The following ADAP1 variants were observed in gnomAD, a reference collection of about 807,000 sequenced individuals.
The protein encoded by ADAP1 is ArfGAP with dual PH domains 1.
A neutral mutation model predicts 54.9 loss-of-function variants in ADAP1; 31 were observed. The ratio of observed to expected loss-of-function variants is 0.56; its 90% confidence interval spans 0.42 to 0.76. The LOEUF is 0.76. ADAP1 is among the 30% of genes least tolerant of loss of function. The pLI is 0.00. For synonymous variants in ADAP1, 313 were observed against 202.6 expected, an observed-to-expected ratio of 1.55 and a Z score of -4.63; for missense variants, 535 against 512.4, an observed-to-expected ratio of 1.04 and a Z score of -0.42.
intron 1 of ADAP1, among the ~76,000 whole-genome samples, chr7:950,599 G>A (rs1308999222): frequency 6.6e-6 from 1 of 152,050 alleles, no homozygotes; most frequent in Non-Finnish European, 1.5e-5. Context: ...GCTCATGCCT[G>A]TAATCCCAGC....
intron 1 of ADAP1, among the ~76,000 whole-genome samples, chr7:948,500 C>T (rs1847196822): frequency 2.0e-5 from 3 of 152,228 alleles, no homozygotes; most frequent in East Asian, 1.9e-4. Flanking sequence ...GTCTCTGCCC[C>T]GGTCTTAGCA....
Position 898,422 on chromosome 7 carries a change from C to T in ADAP1, c.*499G>A, listed in dbSNP as rs1844609099. ...GATAATCCACCCAAACACCCCACGGCCCTCATAGCCCCGTGACACACAACA... is the reference window on the plus strand; with the variant it reads ...GATAATCCACCCAAACACCCCACGGTCCTCATAGCCCCGTGACACACAACA... On this transcript the variant is annotated 3_prime_UTR_variant, in exon 11 of 11. Coordinates refer to ENST00000265846, the MANE Select transcript of ADAP1 (RefSeq NM_006869.4). 1 of 203,638 alleles carries T rather than the reference C, an allele frequency of 4.9e-6. No individual in the cohort carries two copies. The highest frequency in any genetic ancestry group is 1.0e-5 in the Non-Finnish European group (1 of 98,690). The allele number at this position is 203,638 out of a possible 1,614,324, so 12.6% of individuals were successfully genotyped here.
rs1005638733 is a variant in ADAP1 at position 928,642 on chromosome 7, A to G, written c.214-1998T>C. Reference sequence around the variant, plus strand: ...ACTGTTAGCTGTCAGGGGAACGCAGATGAAAACCTCAATGAGCTACCACCT... The same window carrying G: ...ACTGTTAGCTGTCAGGGGAACGCAGGTGAAAACCTCAATGAGCTACCACCT... On this transcript the variant is annotated intron_variant, in intron 2 of 10. Coordinates refer to ENST00000265846, the MANE Select transcript of ADAP1 (RefSeq NM_006869.4). Among the ~76,000 whole-genome samples the G allele has an allele frequency of 2.0e-5, 3 of 152,340 alleles. No homozygotes were observed. In the East Asian group the frequency reaches 5.8e-4, roughly 29 times the overall value.
chr7:906,592 A>AG (rs1312713065), intron 4 of ADAP1, among the ~76,000 whole-genome samples: 1 of 27,256 alleles, frequency 3.7e-5, no homozygotes, highest in Admixed American at 4.1e-4. Flanking sequence ...GAAAGGAGAA[A>AG]GGAGAAGGGA....
chr7:952,524 C>G (rs569389627), intron 1 of ADAP1, among the ~76,000 whole-genome samples: 2 of 152,126 alleles, frequency 1.3e-5, no homozygotes, highest in African/African-American at 4.8e-5. Context: ...ATAGAGCCCT[C>G]GAGGATGTGC....
At chr7:909,009 G>GT (rs1235659183) in intron 4 of ADAP1, among the ~76,000 whole-genome samples, 2 of 151,330 alleles carry the variant, frequency 1.3e-5, no homozygotes, top group Non-Finnish European at 2.9e-5. Context: ...CGCCCAGCAG[G>GT]TGACAGCAGT....
intron 1 of ADAP1, among the ~76,000 whole-genome samples, chr7:937,797 C>T (rs569943975): frequency 2.1e-4 from 32 of 150,276 alleles, no homozygotes; most frequent in African/African-American, 6.9e-4. Context: ...GGGTCATGCC[C>T]GGCCTCTGGG....
At position 946,477 on chromosome 7, in the gene ADAP1, T is replaced by C. The variant is rs1256854171; in HGVS notation, c.82+7919A>G. Among the ~76,000 whole-genome samples the C allele has an allele frequency of 6.6e-6, 1 of 151,600 alleles. No homozygotes were observed. The highest frequency in any genetic ancestry group is 2.0e-4 in the East Asian group (1 of 5,122). ...TACCCGGTTCAGGGACACGTGCCCC[T>C]CTCCTGGATCCCTCCCAGCAGCACC... On this transcript the variant is annotated intron_variant, in intron 1 of 10. Transcript: ENST00000265846. The surrounding 1 kb of genome is among the most constrained non-coding windows in gnomAD (Gnocchi z 4.3).
intron 4 of ADAP1, among the ~76,000 whole-genome samples, chr7:918,924 TGCTGGGGGGC>T (rs1846045323): frequency 4.5e-5 from 2 of 44,304 alleles, no homozygotes; most frequent in African/African-American, 3.5e-4. Context: ...AGTTGGGGAC[TGCTGGGGGGC>T]AGAGTTGGGG....
At chr7:931,694 G>A (rs978522134) in intron 2 of ADAP1, among the ~76,000 whole-genome samples, 11 of 151,718 alleles carry the variant, frequency 7.3e-5, no homozygotes, top group South Asian at 2.1e-4. Context: ...CCCTTTACAC[G>A]GTGAAATGTA....
intron 6 of ADAP1, among the ~76,000 whole-genome samples, chr7:902,406 C>T (rs13231814): frequency 8.9e-4 from 102 of 114,080 alleles, no homozygotes; most frequent in East Asian, 2.3e-3. Context: ...TGCAGTGAGC[C>T]GAGATTGCAC....
chr7:915,014 G>A (rs115773476), intron 4 of ADAP1, among the ~76,000 whole-genome samples: 314 of 71,356 alleles, frequency 4.4e-3, no homozygotes, highest in African/African-American at 0.021. Flanking sequence ...CCCTGCAGCC[G>A]GGGCTCTGGG....
chr7:906,689 G>GAGAAAGGAGAAAGGAGAAA (rs1562915171), intron 4 of ADAP1, among the ~76,000 whole-genome samples: 1 of 51,158 alleles, frequency 2.0e-5, no homozygotes, highest in African/African-American at 8.6e-5. Flanking sequence ...AGGGGACACG[G>GAGAAAGGAGAAAGGAGAAA]GGGACATGGA....
At position 952,549 on chromosome 7, in the gene ADAP1, G is replaced by A. The variant is rs570261664; in HGVS notation, c.82+1847C>T. ...CGAGGATGTGCCATGGGGTCATGGGGGGCTAGGCAGCCCCCTGCCTCCTGA... is the reference window on the plus strand; with the variant it reads ...CGAGGATGTGCCATGGGGTCATGGGAGGCTAGGCAGCCCCCTGCCTCCTGA... On this transcript the variant is annotated intron_variant, in intron 1 of 10. Coordinates refer to ENST00000265846, the MANE Select transcript of ADAP1 (RefSeq NM_006869.4). Among the ~76,000 whole-genome samples the A allele has an allele frequency of 2.0e-5, 3 of 152,314 alleles. No homozygotes were observed. In the South Asian group the frequency reaches 6.2e-4, roughly 32 times the overall value.
intron 4 of ADAP1, among the ~76,000 whole-genome samples, chr7:918,760 C>G (rs1246216742): frequency 6.7e-6 from 1 of 149,950 alleles, no homozygotes; most frequent in Middle Eastern, 3.2e-3. Flanking sequence ...CTCCAGTGTG[C>G]AGACGCCCAG....
chr7:915,845 G>GCAGAACC (rs1845912229), intron 4 of ADAP1, among the ~76,000 whole-genome samples: 2 of 151,694 alleles, frequency 1.3e-5, no homozygotes, highest in South Asian at 4.2e-4. Context: ...CCACCCGCCT[G>GCAGAACC]CAGAACCCAG....
At chr7:930,370 G>T in intron 2 of ADAP1, among the ~76,000 whole-genome samples, 1 of 80,322 alleles carries the variant, frequency 1.2e-5, no homozygotes. Flanking sequence ...AAGGTGTGAA[G>T]AGAGTTCACA....
At chr7:912,486 C>A (rs766723174) in intron 4 of ADAP1, among the ~76,000 whole-genome samples, 1 of 152,256 alleles carries the variant, frequency 6.6e-6, no homozygotes, top group East Asian at 1.9e-4. Flanking sequence ...AGGGAGGCGG[C>A]GCAGAGGGTG....
intron 4 of ADAP1, among the ~76,000 whole-genome samples, chr7:905,820 AGAAGGGAGAAGGGAGAAGGGAGAAG>A (rs2128096767): frequency 1.7e-4 from 6 of 34,456 alleles, no homozygotes; most frequent in Non-Finnish European, 4.6e-4. Context: ...AGGAGAAGGG[AGAAGGGAGAAGGGAGAAGGGAGAAG>A]GGAGAAGGGA....
Sources: gnomAD v4.1 joint callset for allele counts (sites outside exome capture counted in the v4.1 genomes callset) on GRCh38, gnomAD v4.1.1 for gene constraint, Gnocchi (gnomAD v3.1) non-coding constraint, MANE v1.5 for transcripts, NCBI Gene and HGNC (gene_info 2026-07-23, HGNC 2026-07-21) for gene names.